Variants in ADAMTS18 observed in about 807,000 individuals in gnomAD.
The protein encoded by ADAMTS18 is ADAM metallopeptidase with thrombospondin type 1 motif 18.
ADAMTS18 carries 157 observed loss-of-function variants against 165.9 expected under a neutral mutation model. The ratio of observed to expected loss-of-function variants is 0.95; its 90% CI spans 0.83 to 1.08. ADAMTS18 has a LOEUF of 1.08. Among genes scored for constraint, ADAMTS18 ranks in the 50% least tolerant of loss-of-function variants. The pLI, the probability that ADAMTS18 is intolerant of heterozygous loss-of-function variation, is 0.00. For synonymous variants in ADAMTS18, 782 were observed against 578.2 expected (o/e 1.35, Z -5.06); for missense variants, 2,040 against 1,534.0 (o/e 1.33, Z -5.51).
chr16:77,400,785 G>C (rs1304325402), intron 3 of ADAMTS18, among the ~76,000 whole-genome samples: 1 of 151,846 alleles, frequency 6.6e-6, no homozygotes, highest in Non-Finnish European at 1.5e-5. Flanking sequence ...TGGTTCTTAA[G>C]AGATTATGGC....
At chr16:77,320,453 G>C (rs2055975476) in intron 15 of ADAMTS18, among the ~76,000 whole-genome samples, 1 of 152,066 alleles carries the variant, frequency 6.6e-6, no homozygotes, top group Non-Finnish European at 1.5e-5. Context: ...AGCCTGGCCA[G>C]TGTGGTGAAA....
chr16:77,367,958 C>T (rs143236541), intron 3 of ADAMTS18, among the ~76,000 whole-genome samples: 6 of 152,248 alleles, frequency 3.9e-5, no homozygotes, highest in African/African-American at 1.4e-4. Flanking sequence ...CCCACTGCAG[C>T]CTTGACCTCC....
intron 16 of ADAMTS18, among the ~76,000 whole-genome samples, chr16:77,303,567 T>A (rs1261507679): frequency 1.3e-5 from 2 of 152,110 alleles, no homozygotes; most frequent in African/African-American, 4.8e-5. Flanking sequence ...CCACCTCATA[T>A]GTTGTTGCTC....
intron 7 of ADAMTS18, 61 bp downstream of exon 7, chr16:77,362,044 A>G (rs897430356): frequency 7.6e-6 from 12 of 1,579,734 alleles, no homozygotes; most frequent in African/African-American, 1.3e-5. Context: ...TCATCCATAG[A>G]AAGTTTCCAT....
rs114366507 is a variant in ADAMTS18, at chr16:77,333,321, G to C, written c.1859+2435C>G. ...GGCCTGTCGCATGGTGGGGAGCAAG[G>C]GGAGGGAGAGCTTTACAACAAATAC... is the stretch of plus-strand genomic sequence containing the variant. On this transcript the variant is annotated intron_variant, in intron 12 of 22. Coordinates refer to ENST00000282849, the MANE Select transcript of ADAMTS18 (RefSeq NM_199355.4). Among the ~76,000 whole-genome samples the C allele has an allele frequency of 5.2e-3, 794 of 152,152 alleles. 13 individuals carry two copies. The highest frequency in any genetic ancestry group is 0.019 in the African/African-American group (770 of 41,506).
chr16:77,295,242 A>G (rs2055446861), intron 18 of ADAMTS18, 115 bp from the exon 19 acceptor site: 2 of 1,035,058 alleles, frequency 1.9e-6, no homozygotes, highest in Non-Finnish European at 2.9e-6. Flanking sequence ...TTCAGAACCA[A>G]TAAGATAAGT....
rs377137286 is a variant in ADAMTS18 at position 77,293,217 on chromosome 16, G to C, written c.3048C>G (p.Leu1016=). 2.4e-5 allele frequency: 39 copies of C among 1,613,780 alleles called. No individual in the cohort carries two copies. The highest frequency in any genetic ancestry group is 1.1e-4 in the African/African-American group (8 of 74,836). ...TTTCTGCGGCAGAGCCCTTGCAGAG[G>C]AGTTCACGCTTCCTCACCCCTCGTC... ...TCGRGVRKRE[L]LCKGSAAETL... Residue 1016 remains leucine (L), a synonymous_variant, in exon 20 of 23, where the codon CTC becomes CTG. Coordinates refer to ENST00000282849, the MANE Select transcript of ADAMTS18 (RefSeq NM_199355.4).
At position 77,413,824 on chromosome 16, in the gene ADAMTS18, A is replaced by G. The variant is rs934739775; in HGVS notation, c.495+17471T>C. Among the ~76,000 whole-genome samples, 6 of 149,076 alleles carry G rather than the reference A, an allele frequency of 4.0e-5. No homozygotes were observed. In the East Asian group the frequency reaches 1.2e-3, roughly 29 times the overall value. ...TTCCATCTGAAAAAAAAAAAAAGCA[A>G]AAGTTAATTAAACTAGCAAGTTTTA... is the stretch of plus-strand genomic sequence containing the variant. On this transcript the variant is annotated intron_variant, in intron 3 of 22. Transcript: ENST00000282849.
intron 21 of ADAMTS18, 46 bp downstream of exon 21, chr16:77,291,220 C>T (rs750492081): frequency 1.7e-5 from 27 of 1,603,946 alleles, no homozygotes; most frequent in Admixed American, 8.3e-5. Context: ...CCTCATTTTT[C>T]GACATCTCAC....
At chr16:77,364,079 C>T (rs2056755791) in intron 5 of ADAMTS18, 109 bp downstream of exon 5, 8 of 1,445,510 alleles carry the variant, frequency 5.5e-6, no homozygotes, top group Non-Finnish European at 7.8e-6. Context: ...GCAGAAACTG[C>T]AATTACATTT....
intron 3 of ADAMTS18, among the ~76,000 whole-genome samples, chr16:77,420,795 G>T (rs557118918): frequency 3.3e-5 from 5 of 152,064 alleles, no homozygotes; most frequent in African/African-American, 9.7e-5. Context: ...AATTAAGGCA[G>T]GGGGAAGAAA....
chr16:77,293,282 T>C, intron 19 of ADAMTS18, 24 bp from the exon 20 acceptor site: 1 of 1,606,076 alleles, frequency 6.2e-7, no homozygotes, highest in Non-Finnish European at 8.5e-7. Context: ...AAAAGTTCTA[T>C]TTGCATTCCC....
intron 14 of ADAMTS18, 118 bp downstream of exon 14, chr16:77,322,218 G>A (rs74643232): frequency 4.2e-5 from 48 of 1,151,580 alleles, no homozygotes; most frequent in Non-Finnish European, 5.2e-5. Flanking sequence ...TTGCTCTTTC[G>A]CTCCATGCCA....
chr16:77,287,699 G>T (rs111576453), intron 22 of ADAMTS18, among the ~76,000 whole-genome samples: 2,795 of 152,002 alleles, frequency 0.018, 85 homozygotes, highest in African/African-American at 0.064. Context: ...CTCAAACTCC[G>T]GACCTCAGGT....
chr16:77,290,458 G>T (rs1422208309), intron 21 of ADAMTS18: 5 of 152,216 alleles, frequency 3.3e-5, no homozygotes, highest in Non-Finnish European at 7.3e-5. Context: ...CCAGCAATAT[G>T]TGTAACACCT....
At chr16:77,367,396 C>A in intron 4 of ADAMTS18, 45 bp downstream of exon 4, 1 of 1,611,866 alleles carries the variant, frequency 6.2e-7, no homozygotes, top group South Asian at 1.1e-5. Flanking sequence ...GAAAACCTGT[C>A]GAGGCCCACA....
At chr16:77,431,720 C>G in intron 2 of ADAMTS18, 109 bp from the exon 3 acceptor site, 1 of 1,155,696 alleles carries the variant, frequency 8.7e-7, no homozygotes, top group Non-Finnish European at 1.3e-6. Context: ...ATCTTTGTTC[C>G]TATTGCCTTG....
chr16:77,325,945 C>A lies in ADAMTS18; in HGVS notation c.1953G>T (p.Arg651=). The A allele has an allele frequency of 6.2e-7, 1 of 1,613,998 alleles. No homozygotes were observed. Among genetic ancestry groups the A allele is most frequent in the Non-Finnish European group, 8.5e-7 (1 of 1,179,972 alleles). The change falls in exon 13 of 23, where the codon CGG becomes CGT. Residue 651 remains arginine, a synonymous_variant. Transcript: ENST00000282849. ...TGTTATATTCTGCACACTGTTGAGCCCGAAAATCCAAGCTATTTTCATTGC... is the reference window on the plus strand; with the variant it reads ...TGTTATATTCTGCACACTGTTGAGCACGAAAATCCAAGCTATTTTCATTGC... ...NPCNENSLDF[R]AQQCAEYNSK...
At chr16:77,305,257 T>C (rs1442167885) in intron 16 of ADAMTS18, among the ~76,000 whole-genome samples, 1 of 152,166 alleles carries the variant, frequency 6.6e-6, no homozygotes, top group Admixed American at 6.5e-5. Context: ...AATCCTCTTA[T>C]CTCTTACTGT....
Sources: gnomAD v4.1 joint callset for allele counts (sites outside exome capture counted in the v4.1 genomes callset) on GRCh38, gnomAD v4.1.1 for gene constraint, MANE v1.5 for transcripts, NCBI Gene and HGNC (gene_info 2026-07-23, HGNC 2026-07-21) for gene names.